The following SGCZ variants were observed in gnomAD, a reference collection of about 807,000 sequenced individuals.
SGCZ encodes the protein sarcoglycan zeta, also known as zeta-sarcoglycan.
SGCZ carries 40 observed loss-of-function variants against 41.3 expected under a neutral mutation model. The observed-to-expected ratio is 0.97, with a 90% CI of 0.75 to 1.26. The LOEUF is 1.26. Ranked by LOEUF, SGCZ falls within the 50% of genes most tolerant of loss-of-function variation. SGCZ has a pLI of 0.00. For synonymous variants in SGCZ, 206 were observed against 137.5 expected, an observed-to-expected ratio of 1.50 and a Z score of -3.49; for missense variants, 552 against 369.8, an observed-to-expected ratio of 1.49 and a Z score of -4.04.
intron 1 of SGCZ, among the ~76,000 whole-genome samples, chr8:15,226,511 G>T (rs552626369): frequency 2.2e-4 from 34 of 152,200 alleles, no homozygotes; most frequent in Admixed American, 4.6e-4. Context: ...TAACTTCCAG[G>T]AGCCATCTTT....
At chr8:14,400,157 T>C (rs866337733) in intron 2 of SGCZ, among the ~76,000 whole-genome samples, 4 of 152,150 alleles carry the variant, frequency 2.6e-5, no homozygotes, top group African/African-American at 9.6e-5. Flanking sequence ...TTGGCTATTG[T>C]TTCCAGTGTT....
At chr8:14,607,908 G>A (rs1344028639) in intron 1 of SGCZ, among the ~76,000 whole-genome samples, 3 of 152,134 alleles carry the variant, frequency 2.0e-5, no homozygotes, top group Non-Finnish European at 4.4e-5. Flanking sequence ...TAAAATTACA[G>A]TAAAAATATG....
At chr8:14,776,252 A>T in intron 1 of SGCZ, among the ~76,000 whole-genome samples, 1 of 152,268 alleles carries the variant, frequency 6.6e-6, no homozygotes, top group East Asian at 1.9e-4. Flanking sequence ...TGGTGGGGCC[A>T]CATGGAGAAT....
intron 1 of SGCZ, among the ~76,000 whole-genome samples, chr8:14,922,525 G>A (rs1294366681): frequency 2.0e-5 from 3 of 151,992 alleles, no homozygotes; most frequent in Non-Finnish European, 2.9e-5. Flanking sequence ...CGCGATTTCG[G>A]CTCACCACAA....
chr8:14,689,246 A>C (rs1808721153), intron 1 of SGCZ, among the ~76,000 whole-genome samples: 1 of 152,048 alleles, frequency 6.6e-6, no homozygotes, highest in African/African-American at 2.4e-5. Flanking sequence ...GCTTTTTTGA[A>C]AATTGAAAAA....
intron 1 of SGCZ, among the ~76,000 whole-genome samples, chr8:14,623,036 G>T (rs1313387117): frequency 6.6e-6 from 1 of 152,152 alleles, no homozygotes; most frequent in Non-Finnish European, 1.5e-5. Context: ...TTGGAGGGCA[G>T]AATTCTCTCC....
chr8:14,267,657 T>C (rs1365794928), intron 3 of SGCZ, among the ~76,000 whole-genome samples: 1 of 152,068 alleles, frequency 6.6e-6, no homozygotes, highest in African/African-American at 2.4e-5. Flanking sequence ...TTTTTGATGA[T>C]TGATGAGCAG....
chr8:14,526,395 T>G (rs1217478182), intron 2 of SGCZ, among the ~76,000 whole-genome samples: 2 of 152,080 alleles, frequency 1.3e-5, no homozygotes, highest in Non-Finnish European at 2.9e-5. Flanking sequence ...GAATATTAGC[T>G]TAACAAAAAT....
intron 5 of SGCZ, among the ~76,000 whole-genome samples, chr8:14,116,952 C>T (rs1477273184): frequency 6.6e-6 from 1 of 152,032 alleles, no homozygotes; most frequent in East Asian, 1.9e-4. Flanking sequence ...TAAGCCATTA[C>T]TGCTTTTTGC....
chr8:14,765,426 C>T (rs1224349479), intron 1 of SGCZ, among the ~76,000 whole-genome samples: 1 of 152,038 alleles, frequency 6.6e-6, no homozygotes, highest in Admixed American at 6.6e-5. Context: ...GAGATGAGGC[C>T]TAGACAGACT....
chr8:14,880,824 G>T (rs1403954857), intron 1 of SGCZ, among the ~76,000 whole-genome samples: 1 of 151,994 alleles, frequency 6.6e-6, no homozygotes, highest in Non-Finnish European at 1.5e-5. Context: ...GATGGGGGTG[G>T]GATAGCATTA....
chr8:14,422,192 G>A (rs766943043), intron 2 of SGCZ, among the ~76,000 whole-genome samples: 1 of 152,028 alleles, frequency 6.6e-6, no homozygotes, highest in Non-Finnish European at 1.5e-5. Context: ...TATGAGAAAA[G>A]TAATGAGATA....
At chr8:14,914,095 G>A (rs1416730301) in intron 1 of SGCZ, among the ~76,000 whole-genome samples, 1 of 151,844 alleles carries the variant, frequency 6.6e-6, no homozygotes, top group African/African-American at 2.4e-5. Flanking sequence ...AAAGGTGTGA[G>A]AGATTACTCA....
chr8:14,971,344 G>C (rs973753189), intron 1 of SGCZ, among the ~76,000 whole-genome samples: 15 of 151,952 alleles, frequency 9.9e-5, no homozygotes, highest in Non-Finnish European at 1.6e-4. Flanking sequence ...TCCTTGTTTT[G>C]TTCCTCATAT....
rs118043971 is a variant in SGCZ at position 14,424,193 on chromosome 8, G to C, written c.235-99989C>G. On this transcript the variant is annotated intron_variant, in intron 2 of 7. Transcript: ENST00000382080. ...AGAAAAATAAGCTGTGAAGTGTAAGGAGGGCGGGATAAAAACCATAGTAGT... is the reference window on the plus strand; with the variant it reads ...AGAAAAATAAGCTGTGAAGTGTAAGCAGGGCGGGATAAAAACCATAGTAGT... Among the ~76,000 whole-genome samples the C allele has an allele frequency of 6.7e-3, 1,016 of 152,262 alleles. 10 individuals carry two copies. The highest frequency in any genetic ancestry group is 0.017 in the South Asian group (81 of 4,816).
intron 1 of SGCZ, among the ~76,000 whole-genome samples, chr8:14,684,119 T>A (rs1808532068): frequency 6.6e-6 from 1 of 152,192 alleles, no homozygotes; most frequent in Non-Finnish European, 1.5e-5. Flanking sequence ...AGTGATTACA[T>A]CAATTAAATT....
At chr8:14,518,579 C>T (rs1051027052) in intron 2 of SGCZ, among the ~76,000 whole-genome samples, 1 of 151,992 alleles carries the variant, frequency 6.6e-6, no homozygotes, top group African/African-American at 2.4e-5. Context: ...TCTAGAATTC[C>T]TTACTGGGTT....
chr8:14,551,551 A>AAT (rs1803848156), intron 2 of SGCZ, among the ~76,000 whole-genome samples: 81 of 25,948 alleles, frequency 3.1e-3, no homozygotes, highest in Admixed American at 5.5e-3. Flanking sequence ...TAATATATAT[A>AAT]ATATATATTA....
Position 14,796,527 on chromosome 8 carries a change from T to C in SGCZ, c.40-241601A>G, listed in dbSNP as rs531344291. On this transcript the variant is annotated intron_variant, in intron 1 of 7. Coordinates refer to ENST00000382080, the MANE Select transcript of SGCZ (RefSeq NM_139167.4). ...ATTAACTTTCATTAAAAAATTAACA[T>C]CTTTTCTGTATATGTAAATATTGTG... Among the ~76,000 whole-genome samples the C allele has an allele frequency of 9.7e-4, 148 of 152,334 alleles. 2 individuals are homozygous for C. The highest frequency in any genetic ancestry group is 3.4e-3 in the Middle Eastern group (1 of 294).
Sources: allele counts gnomAD v4.1 joint callset (sites outside exome capture counted in the v4.1 genomes callset), GRCh38; gene constraint gnomAD v4.1.1; transcripts MANE v1.5; gene names NCBI Gene and HGNC (gene_info 2026-07-23, HGNC 2026-07-21).